The following DPYD variants were observed in gnomAD, a reference collection of about 807,000 sequenced individuals.
DPYD encodes the protein dihydropyrimidine dehydrogenase, also known as dihydropyrimidine dehydrogenase [NADP(+)].
A neutral mutation model predicts 116.2 loss-of-function variants in DPYD; 109 were observed. The observed-to-expected ratio is 0.94, with a 90% CI of 0.80 to 1.10. The LOEUF is 1.10. Ranked by LOEUF, DPYD falls within the 50% of genes least tolerant of loss-of-function variation. The pLI is 0.00. For missense variants in DPYD, 1,302 were observed against 1,254.5 expected (o/e 1.04, Z -0.57); for synonymous variants, 440 against 432.0 (o/e 1.02, Z -0.23).
intron 3 of DPYD, among the ~76,000 whole-genome samples, chr1:97,785,619 A>C (rs1466268769): frequency 7.4e-6 from 1 of 134,696 alleles, no homozygotes; most frequent in African/African-American, 2.8e-5. Flanking sequence ...CCCTGTGTTT[A>C]TTAATAGATC....
chr1:97,813,355 T>G (rs1002738056), intron 3 of DPYD, among the ~76,000 whole-genome samples: 7 of 152,068 alleles, frequency 4.6e-5, no homozygotes, highest in South Asian at 2.1e-4. Context: ...AATATGAAAT[T>G]ATAAACATCA....
chr1:97,189,557 C>A (rs1255646053), intron 20 of DPYD, among the ~76,000 whole-genome samples: 1 of 152,144 alleles, frequency 6.6e-6, no homozygotes, highest in Non-Finnish European at 1.5e-5. Context: ...CAACATAACT[C>A]TTATTTCCCA....
intron 2 of DPYD, among the ~76,000 whole-genome samples, chr1:97,849,743 C>T (rs754383248): frequency 1.2e-4 from 18 of 152,054 alleles, no homozygotes; most frequent in Non-Finnish European, 2.6e-4. Context: ...CCACACTTGC[C>T]ATTCATCACA....
intron 8 of DPYD, among the ~76,000 whole-genome samples, chr1:97,649,523 G>A (rs901355233): frequency 2.0e-5 from 3 of 151,876 alleles, no homozygotes; most frequent in African/African-American, 7.3e-5. Context: ...TTTGTGGTTG[G>A]AAATAACAAT....
chr1:97,104,206 C>T (rs1650960773), intron 20 of DPYD, among the ~76,000 whole-genome samples: 1 of 151,990 alleles, frequency 6.6e-6, no homozygotes, highest in African/African-American at 2.4e-5. Context: ...TTTTTCAAAG[C>T]TTAATGAATG....
chr1:97,609,127 G>A (rs986847803), intron 8 of DPYD, among the ~76,000 whole-genome samples: 4 of 151,882 alleles, frequency 2.6e-5, no homozygotes, highest in African/African-American at 9.7e-5. Flanking sequence ...TTCAGTTTCT[G>A]AATAGGTAAT....
intron 19 of DPYD, among the ~76,000 whole-genome samples, chr1:97,224,865 T>C (rs955645885): frequency 6.6e-6 from 1 of 152,016 alleles, no homozygotes; most frequent in Non-Finnish European, 1.5e-5. Context: ...TGAACAAAAC[T>C]CCATTGCGTA....
chr1:97,169,780 G>C (rs1656590616), intron 20 of DPYD, among the ~76,000 whole-genome samples: 1 of 152,082 alleles, frequency 6.6e-6, no homozygotes, highest in Non-Finnish European at 1.5e-5. Context: ...ATGACTGGTA[G>C]TGTAACTCTT....
At chr1:97,129,885 G>A (rs1181920271) in intron 20 of DPYD, among the ~76,000 whole-genome samples, 1 of 152,272 alleles carries the variant, frequency 6.6e-6, no homozygotes, top group South Asian at 2.1e-4. Flanking sequence ...TTCACAGTGT[G>A]TTTTAAATAG....
chr1:97,119,053 A>G (rs1652214088), intron 20 of DPYD, among the ~76,000 whole-genome samples: 1 of 152,102 alleles, frequency 6.6e-6, no homozygotes, highest in South Asian at 2.1e-4. Flanking sequence ...AGGTATTGGG[A>G]ATTTTGAACA....
chr1:97,264,875 T>G (rs552440108), intron 18 of DPYD, among the ~76,000 whole-genome samples: 3 of 152,172 alleles, frequency 2.0e-5, no homozygotes, highest in Non-Finnish European at 4.4e-5. Flanking sequence ...AAAACCACTA[T>G]GACTTCGAGA....
intron 14 of DPYD, among the ~76,000 whole-genome samples, chr1:97,397,136 T>C (rs769374588): frequency 1.1e-4 from 17 of 152,024 alleles, no homozygotes; most frequent in Admixed American, 3.9e-4. Context: ...TTAATAAATT[T>C]TTTAAACCTT....
intron 16 of DPYD, among the ~76,000 whole-genome samples, chr1:97,322,278 A>G (rs1451188790): frequency 1.3e-5 from 1 of 78,596 alleles, no homozygotes; most frequent in Non-Finnish European, 3.3e-5. Flanking sequence ...TTAGGAAGGG[A>G]AAAAAAAATT....
At chr1:97,472,372 C>T (rs1570790466) in intron 13 of DPYD, among the ~76,000 whole-genome samples, 1 of 152,218 alleles carries the variant, frequency 6.6e-6, no homozygotes, top group Non-Finnish European at 1.5e-5. Context: ...ACCTTCATCT[C>T]CCCTATGCAC....
At position 97,447,408 on chromosome 1, in the gene DPYD, G is replaced by T. The variant is rs549135943; in HGVS notation, c.1905+2651C>A. ...AACAGCGGGGGACTGTCTACTCTCA[G>T]CATGGCAATATCGAGGTGCACACAC... On this transcript the variant is annotated intron_variant, in intron 14 of 22. Transcript: ENST00000370192. Among the ~76,000 whole-genome samples, 22 of 152,258 alleles carry T rather than the reference G, an allele frequency of 1.4e-4. No individual in the cohort carries two copies. The South Asian group carries it at 4.4e-3, about 30-fold the overall frequency.
intron 10 of DPYD, among the ~76,000 whole-genome samples, chr1:97,586,549 G>T (rs1454493961): frequency 8.0e-6 from 1 of 124,938 alleles, no homozygotes; most frequent in East Asian, 2.5e-4. Flanking sequence ...TAGAAGATTA[G>T]TAAAGATTTC....
chr1:97,130,840 T>C (rs1450362418), intron 20 of DPYD, among the ~76,000 whole-genome samples: 4 of 36,434 alleles, frequency 1.1e-4, no homozygotes, highest in African/African-American at 2.3e-4. Flanking sequence ...TTCTTTCTCC[T>C]TCCTTCCTTC....
intron 12 of DPYD, among the ~76,000 whole-genome samples, chr1:97,543,717 T>G (rs1194072455): frequency 6.6e-6 from 1 of 152,224 alleles, no homozygotes. Context: ...CTCATTAGTT[T>G]TCTTAACTCC....
intron 2 of DPYD, among the ~76,000 whole-genome samples, chr1:97,846,298 T>C (rs1331656392): frequency 6.6e-6 from 1 of 152,246 alleles, no homozygotes; most frequent in Non-Finnish European, 1.5e-5. Flanking sequence ...TGGTTGTTCC[T>C]ATGTTGCATT....
Sources: allele counts gnomAD v4.1 joint callset (sites outside exome capture counted in the v4.1 genomes callset), GRCh38; gene constraint gnomAD v4.1.1; transcripts MANE v1.5; gene names NCBI Gene and HGNC (gene_info 2026-07-23, HGNC 2026-07-21).